TOX: variants seen among roughly 807,000 people sequenced by gnomAD.
TOX encodes thymocyte selection-associated high mobility group box protein TOX.
TOX carries 11 observed loss-of-function variants against 53.7 expected under a neutral mutation model. The observed-to-expected ratio is 0.20, with a 90% CI of 0.13 to 0.34. The LOEUF (loss-of-function observed/expected upper bound fraction) is 0.34, where lower values mean the gene tolerates loss of function less well. Among genes scored for constraint, TOX ranks in the 10% least tolerant of loss-of-function variants. TOX has a pLI of 1.00. For missense variants in TOX, 570 were observed against 664.6 expected (o/e 0.86, Z 1.56); for synonymous variants, 225 against 245.3 (o/e 0.92, Z 0.77).
At chr8:58,990,697 A>G (rs1195151684) in intron 1 of TOX, among the ~76,000 whole-genome samples, 1 of 152,198 alleles carries the variant, frequency 6.6e-6, no homozygotes, top group Non-Finnish European at 1.5e-5. Context: ...AGAGGTCTGC[A>G]GGTTTGCATG....
In TOX at chr8:58,851,720, T is replaced by A; in HGVS notation, c.497A>T (p.Asp166Val). The A allele has an allele frequency of 2.5e-6, 4 of 1,613,578 alleles. No homozygotes were observed. In the South Asian group the frequency reaches 3.3e-5, roughly 13 times the overall value. Residue 166 changes from aspartate (D) to valine (V), a missense_variant, in exon 4 of 9, where the codon GAC becomes GTC. Physicochemically the swap from Asp to Val is radical, Grantham distance 152. Coordinates refer to ENST00000361421, the MANE Select transcript of TOX (RefSeq NM_014729.3). The surrounding 1 kb of genome is among the most constrained non-coding windows in gnomAD (Gnocchi z 4.4). Reference protein sequence around the residue: ...AAMRPRGQPADIRQQPGMMPH... With the variant: ...AAMRPRGQPAVIRQQPGMMPH... ...CATCATTCCTGGCTGCTGCCTGATG[T>A]CTGCAGGCTGGCCCCTTGGTCTCAT...
chr8:59,009,138 TCTTTC>T (rs1813849253), intron 1 of TOX, among the ~76,000 whole-genome samples: 2 of 151,688 alleles, frequency 1.3e-5, no homozygotes, highest in East Asian at 1.9e-4. Context: ...CCCTTCTCCT[TCTTTC>T]CTTTCTACTT....
Position 58,808,920 on chromosome 8 carries a change from TA to T in TOX, c.1393-652del, listed in dbSNP as rs771591481. Among the ~76,000 whole-genome samples the T allele has an allele frequency of 4.2e-4, 64 of 152,186 alleles. 1 individual carries two copies. The highest frequency in any genetic ancestry group is 2.6e-4 in the Admixed American group (4 of 15,284). Reference sequence around the variant, plus strand: ...AGGGAAAAGTGTACGACAGAGCAAATATTTTTTAATTGAAAAGTCTATTAAC... The same window carrying T: ...AGGGAAAAGTGTACGACAGAGCAAATTTTTTTAATTGAAAAGTCTATTAAC... On this transcript the variant is annotated intron_variant, in intron 7 of 8. Coordinates refer to ENST00000361421, the MANE Select transcript of TOX (RefSeq NM_014729.3).
At chr8:58,874,476 T>C (rs577644955) in intron 3 of TOX, among the ~76,000 whole-genome samples, 7 of 152,058 alleles carry the variant, frequency 4.6e-5, no homozygotes, top group Non-Finnish European at 8.8e-5. Flanking sequence ...CTTGAAGCAT[T>C]TCAGAGCCAA....
chr8:59,073,550 C>CT (rs976923755), intron 1 of TOX, among the ~76,000 whole-genome samples: 1 of 151,128 alleles, frequency 6.6e-6, no homozygotes, highest in African/African-American at 2.4e-5. Flanking sequence ...TAGTAGGAGA[C>CT]TTTTTTTTTA....
intron 3 of TOX, among the ~76,000 whole-genome samples, chr8:58,895,435 T>C (rs1811628083): frequency 6.6e-6 from 1 of 152,236 alleles, no homozygotes; most frequent in African/African-American, 2.4e-5. Context: ...TTTGTATAAC[T>C]ATTGTATTAA....
chr8:59,043,577 A>T (rs1020009008), intron 1 of TOX, among the ~76,000 whole-genome samples: 2 of 152,192 alleles, frequency 1.3e-5, no homozygotes, highest in Non-Finnish European at 2.9e-5. Context: ...GGTTATAGAA[A>T]AGGTGTTCCA....
At chr8:59,060,181 T>C (rs979180919) in intron 1 of TOX, among the ~76,000 whole-genome samples, 1 of 152,124 alleles carries the variant, frequency 6.6e-6, no homozygotes, top group Non-Finnish European at 1.5e-5. Flanking sequence ...GATAACAGAG[T>C]GTTTAATTCC....
At chr8:58,814,663 C>A (rs958289083) in intron 7 of TOX, 1 of 152,066 alleles carries the variant, frequency 6.6e-6, no homozygotes, top group Non-Finnish European at 1.5e-5. Flanking sequence ...TAAAATAACA[C>A]CAAAATCCAA....
chr8:58,847,560 C>A (rs920477469), intron 4 of TOX, among the ~76,000 whole-genome samples: 3 of 151,904 alleles, frequency 2.0e-5, no homozygotes, highest in African/African-American at 7.3e-5. Flanking sequence ...TAATATTCAT[C>A]CCCTGAGAAT....
chr8:59,057,621 G>A (rs190564330), intron 1 of TOX, among the ~76,000 whole-genome samples: 12 of 152,116 alleles, frequency 7.9e-5, no homozygotes, highest in East Asian at 3.9e-4. Context: ...TCCGCCCCCC[G>A]CCTTTCAGTG....
At chr8:59,001,526 A>G (rs1229843584) in intron 1 of TOX, among the ~76,000 whole-genome samples, 1 of 152,194 alleles carries the variant, frequency 6.6e-6, no homozygotes, top group Non-Finnish European at 1.5e-5. Context: ...AATTGAGTAC[A>G]TGGTATTTTG....
At position 58,807,129 on chromosome 8, in the gene TOX, T is replaced by C. The variant is rs527440555; in HGVS notation, c.*618A>G. On this transcript the variant is annotated 3_prime_UTR_variant, in exon 9 of 9. Transcript: ENST00000361421. ...AAGCCAATTTGTTTTTAAATTAAAA[T>C]CACTTGGGAATACTTTTTATTTTCA... 3.3e-5 allele frequency: 5 copies of C among 152,748 alleles called. No individual in the cohort carries two copies. In the South Asian group the frequency reaches 1.0e-3, roughly 32 times the overall value. The allele number at this position is 152,748 out of a possible 1,614,324, so 9.5% of individuals were successfully genotyped here.
intron 3 of TOX, among the ~76,000 whole-genome samples, chr8:58,938,035 C>T (rs994641915): frequency 7.6e-5 from 11 of 143,836 alleles, no homozygotes; most frequent in Non-Finnish European, 1.7e-4. Context: ...GGAATATAAT[C>T]TAAAAACCTG....
chr8:59,115,963 A>G (rs748934234), intron 1 of TOX, among the ~76,000 whole-genome samples: 1 of 152,118 alleles, frequency 6.6e-6, no homozygotes, highest in Non-Finnish European at 1.5e-5. Flanking sequence ...CATTTTGGCA[A>G]TCTATAGAGC....
At chr8:58,992,641 C>T (rs1001350048) in intron 1 of TOX, among the ~76,000 whole-genome samples, 8 of 152,162 alleles carry the variant, frequency 5.3e-5, no homozygotes, top group African/African-American at 1.9e-4. Flanking sequence ...AAAAAATACA[C>T]CATATCTTAA....
At chr8:58,877,112 C>T (rs1331791814) in intron 3 of TOX, among the ~76,000 whole-genome samples, 1 of 152,040 alleles carries the variant, frequency 6.6e-6, no homozygotes, top group Non-Finnish European at 1.5e-5. Flanking sequence ...GTCCTAGTTC[C>T]TGAGATCTCA....
At chr8:58,873,684 C>T (rs1585872924) in intron 3 of TOX, among the ~76,000 whole-genome samples, 1 of 152,080 alleles carries the variant, frequency 6.6e-6, no homozygotes, top group Non-Finnish European at 1.5e-5. Context: ...TTTTCCCTCC[C>T]TAAGGGCTTA....
chr8:58,964,034 T>C (rs1812847566), intron 1 of TOX, among the ~76,000 whole-genome samples: 1 of 151,918 alleles, frequency 6.6e-6, no homozygotes, highest in South Asian at 2.1e-4. Flanking sequence ...AGTCTTACAG[T>C]GGATTAAGAC....
Sources: gnomAD v4.1 joint callset for allele counts (sites outside exome capture counted in the v4.1 genomes callset) on GRCh38, gnomAD v4.1.1 for gene constraint, Gnocchi (gnomAD v3.1) non-coding constraint, MANE v1.5 for transcripts, NCBI Gene and HGNC (gene_info 2026-07-23, HGNC 2026-07-21) for gene names.